LRRTM4: variants seen among roughly 807,000 people sequenced by gnomAD.
LRRTM4 encodes leucine-rich repeat transmembrane neuronal protein 4.
Under a neutral mutation model 47.6 loss-of-function variants are expected in LRRTM4, and 25 were observed. The ratio of observed to expected loss-of-function variants is 0.53; its 90% confidence interval spans 0.38 to 0.73. The LOEUF is 0.73. Among genes scored for constraint, LRRTM4 ranks in the 30% least tolerant of loss-of-function variants. The pLI is 0.00. For synonymous variants in LRRTM4, 311 were observed against 269.5 expected (o/e 1.15, Z -1.51); for missense variants, 638 against 713.4 (o/e 0.89, Z 1.20).
chr2:76,790,566 A>G (rs1246211905), intron 3 of LRRTM4, among the ~76,000 whole-genome samples: 2 of 152,198 alleles, frequency 1.3e-5, no homozygotes, highest in Non-Finnish European at 2.9e-5. Flanking sequence ...AAATCCTAAT[A>G]GTGTTTGACA....
intron 3 of LRRTM4, among the ~76,000 whole-genome samples, chr2:77,192,057 A>G (rs190775250): frequency 3.3e-5 from 5 of 152,146 alleles, no homozygotes; most frequent in African/African-American, 1.2e-4. Flanking sequence ...ATGTATGTAA[A>G]GCTACAATTT....
chr2:76,909,485 T>G (rs1011631157), intron 3 of LRRTM4, among the ~76,000 whole-genome samples: 1 of 151,680 alleles, frequency 6.6e-6, no homozygotes, highest in Admixed American at 6.6e-5. Flanking sequence ...AAAGACAAAA[T>G]TGACAAATGG....
At chr2:76,866,582 A>G (rs1404244266) in intron 3 of LRRTM4, among the ~76,000 whole-genome samples, 1 of 152,044 alleles carries the variant, frequency 6.6e-6, no homozygotes, top group Non-Finnish European at 1.5e-5. Context: ...TTTTTCAAAC[A>G]ATCTTTGATT....
chr2:77,035,861 A>G (rs1678820083), intron 3 of LRRTM4, among the ~76,000 whole-genome samples: 1 of 151,848 alleles, frequency 6.6e-6, no homozygotes, highest in African/African-American at 2.4e-5. Context: ...TCTAACAACC[A>G]TCAGGGGCTT....
intron 3 of LRRTM4, among the ~76,000 whole-genome samples, chr2:76,910,638 T>C (rs1674020793): frequency 6.6e-6 from 1 of 152,210 alleles, no homozygotes; most frequent in South Asian, 2.1e-4. Flanking sequence ...AATTTTTTAT[T>C]CACGACCATA....
At chr2:77,052,736 G>A (rs950598360) in intron 3 of LRRTM4, among the ~76,000 whole-genome samples, 3 of 151,966 alleles carry the variant, frequency 2.0e-5, no homozygotes, top group East Asian at 1.9e-4. Context: ...GTGTGTGTGT[G>A]CAAGTATCCT....
At chr2:77,388,720 C>T (rs1376686101) in intron 3 of LRRTM4, among the ~76,000 whole-genome samples, 2 of 151,944 alleles carry the variant, frequency 1.3e-5, no homozygotes, top group African/African-American at 4.8e-5. Context: ...TCTTGACCAT[C>T]TTTTCCAAGA....
intron 3 of LRRTM4, among the ~76,000 whole-genome samples, chr2:77,197,916 A>G (rs1396553524): frequency 6.6e-6 from 1 of 152,196 alleles, no homozygotes; most frequent in Non-Finnish European, 1.5e-5. Flanking sequence ...AACCAGGGGA[A>G]AAACTGTTTT....
intron 3 of LRRTM4, among the ~76,000 whole-genome samples, chr2:76,901,855 G>A (rs1673648942): frequency 6.6e-6 from 1 of 152,088 alleles, no homozygotes; most frequent in Non-Finnish European, 1.5e-5. Flanking sequence ...AGAATAAGTA[G>A]GCATACTGTG....
chr2:76,878,792 T>C (rs1404926604), intron 3 of LRRTM4, among the ~76,000 whole-genome samples: 1 of 152,044 alleles, frequency 6.6e-6, no homozygotes, highest in African/African-American at 2.4e-5. Context: ...GAGAATCGCT[T>C]GAACCCAGGA....
intron 3 of LRRTM4, among the ~76,000 whole-genome samples, chr2:77,452,204 A>G (rs1676280939): frequency 6.6e-6 from 1 of 152,176 alleles, no homozygotes; most frequent in South Asian, 2.1e-4. Flanking sequence ...CTTACTAAAG[A>G]TGAAAACAGA....
intron 3 of LRRTM4, among the ~76,000 whole-genome samples, chr2:77,488,269 A>T (rs899638510): frequency 1.3e-5 from 2 of 152,178 alleles, no homozygotes; most frequent in Non-Finnish European, 2.9e-5. Context: ...ATCTGGTCCA[A>T]CCACAGCCTC....
chr2:76,887,921 A>G (rs184953920), intron 3 of LRRTM4, among the ~76,000 whole-genome samples: 2 of 151,246 alleles, frequency 1.3e-5, no homozygotes, highest in Admixed American at 6.6e-5. Context: ...ATTTTTGTGA[A>G]TGGTTAAAAG....
At chr2:77,408,983 GA>G (rs1363683871) in intron 3 of LRRTM4, among the ~76,000 whole-genome samples, 1 of 152,112 alleles carries the variant, frequency 6.6e-6, no homozygotes, top group African/African-American at 2.4e-5. Context: ...CTACTGTAGG[GA>G]AAAATATTGC....
Position 77,176,948 on chromosome 2 carries a change from A to G in LRRTM4, c.1551+341370T>C, listed in dbSNP as rs1573041653. Among the ~76,000 whole-genome samples, 3 of 151,888 alleles carry G rather than the reference A, an allele frequency of 2.0e-5. No homozygotes were observed. The Middle Eastern group carries it at 0.01, about 517-fold the overall frequency. ...TATAATACATTAATATAATAAAGAA[A>G]CTCCCACCAGTCCCACGGCAGCTTC... On this transcript the variant is annotated intron_variant, in intron 3 of 3. Transcript: ENST00000409884.
At chr2:77,111,613 CT>C (rs1021507062) in intron 3 of LRRTM4, among the ~76,000 whole-genome samples, 4 of 152,058 alleles carry the variant, frequency 2.6e-5, no homozygotes, top group African/African-American at 9.7e-5. Flanking sequence ...CTACTTGGTC[CT>C]TAAGATTTCC....
chr2:76,934,276 C>T (rs1433302339), intron 3 of LRRTM4, among the ~76,000 whole-genome samples: 2 of 152,124 alleles, frequency 1.3e-5, no homozygotes, highest in East Asian at 3.9e-4. Flanking sequence ...ATAACTTTAT[C>T]AGACAGTTAA....
At chr2:77,511,465 T>G (rs1678987822) in intron 3 of LRRTM4, among the ~76,000 whole-genome samples, 1 of 151,956 alleles carries the variant, frequency 6.6e-6, no homozygotes, top group South Asian at 2.1e-4. Flanking sequence ...TATATTTTAT[T>G]TCCATGTACA....
chr2:77,056,402 A>G (rs1679610976), intron 3 of LRRTM4, among the ~76,000 whole-genome samples: 1 of 152,184 alleles, frequency 6.6e-6, no homozygotes, highest in African/African-American at 2.4e-5. Context: ...AATAATCATA[A>G]TGTGAGATCA....
Sources: gnomAD v4.1 joint callset for allele counts (sites outside exome capture counted in the v4.1 genomes callset) on GRCh38, gnomAD v4.1.1 for gene constraint, MANE v1.5 for transcripts, NCBI Gene and HGNC (gene_info 2026-07-23, HGNC 2026-07-21) for gene names.